Variants in CADM2 observed in about 807,000 individuals in gnomAD.
The protein encoded by CADM2 is immunoglobulin superfamily member 4D.
Under a neutral mutation model 49.8 loss-of-function variants are expected in CADM2, and 12 were observed. The ratio of observed to expected loss-of-function variants is 0.24; its 90% CI spans 0.15 to 0.39. The LOEUF (loss-of-function observed/expected upper bound fraction) is 0.39. Among genes scored for constraint, CADM2 ranks in the 10% least tolerant of loss-of-function variants. The pLI, the probability that CADM2 is intolerant of heterozygous loss-of-function variation, is 1.00. For synonymous variants in CADM2, 214 were observed against 175.4 expected, an observed-to-expected ratio of 1.22 and a Z score of -1.74; for missense variants, 378 against 492.3, an observed-to-expected ratio of 0.77 and a Z score of 2.20.
chr3:85,942,960 A>G (rs1337331678), intron 7 of CADM2, among the ~76,000 whole-genome samples: 2 of 151,992 alleles, frequency 1.3e-5, no homozygotes, highest in Non-Finnish European at 2.9e-5. Context: ...AACAGTGTAA[A>G]AGTGTTCCTA....
At chr3:85,298,882 G>T (rs2044030176) in intron 1 of CADM2, among the ~76,000 whole-genome samples, 1 of 151,972 alleles carries the variant, frequency 6.6e-6, no homozygotes, top group African/African-American at 2.4e-5. Flanking sequence ...CATCTTTAAG[G>T]TAAACTATTT....
chr3:85,240,608 G>T (rs1208243729), intron 1 of CADM2, among the ~76,000 whole-genome samples: 1 of 151,314 alleles, frequency 6.6e-6, no homozygotes, highest in Non-Finnish European at 1.5e-5. Context: ...AATATCAATG[G>T]GGCAAGGTAT....
Position 85,096,311 on chromosome 3 carries a change from G to A in CADM2, c.61+136643G>A, listed in dbSNP as rs555464323. 1.4e-3 allele frequency among the ~76,000 whole-genome samples: 210 copies of A among 151,668 alleles called. 1 individual carries two copies. Among genetic ancestry groups the A allele is most frequent in the African/African-American group, 4.6e-3 (190 of 41,400 alleles). On this transcript the variant is annotated intron_variant, in intron 1 of 9. Transcript: ENST00000383699. The stretch of plus-strand genomic sequence containing the variant: ...GAGCAGCATAACATTTCTGCCAAAT[G>A]TAGAGGTGAAGAATTCCCAGGCTGA...
intron 1 of CADM2, among the ~76,000 whole-genome samples, chr3:85,595,549 A>G (rs973916039): frequency 6.6e-6 from 1 of 152,066 alleles, no homozygotes; most frequent in Non-Finnish European, 1.5e-5. Context: ...GGTTAAGCTA[A>G]TATGTGTAGT....
intron 1 of CADM2, among the ~76,000 whole-genome samples, chr3:85,627,759 C>T (rs192345181): frequency 4.0e-4 from 61 of 151,890 alleles, no homozygotes; most frequent in African/African-American, 1.3e-3. Flanking sequence ...AAATATACAC[C>T]AAAGACAATG....
intron 1 of CADM2, among the ~76,000 whole-genome samples, chr3:85,710,242 C>G (rs2067076618): frequency 6.6e-6 from 1 of 152,146 alleles, no homozygotes; most frequent in Non-Finnish European, 1.5e-5. Context: ...TTCTCAGGGC[C>G]TTTGCACTGA....
intron 3 of CADM2, among the ~76,000 whole-genome samples, chr3:85,854,943 A>G (rs1328788002): frequency 1.3e-5 from 2 of 152,114 alleles, no homozygotes; most frequent in African/African-American, 2.4e-5. Flanking sequence ...TTTTGAATGC[A>G]TTATGTAGAA....
chr3:85,602,088 T>G (rs754455948), intron 1 of CADM2, among the ~76,000 whole-genome samples: 2 of 151,800 alleles, frequency 1.3e-5, no homozygotes, highest in African/African-American at 4.8e-5. Context: ...TTAAAGACAT[T>G]CAATTTTTTA....
chr3:85,552,132 G>A (rs575141920), intron 1 of CADM2, among the ~76,000 whole-genome samples: 1 of 152,024 alleles, frequency 6.6e-6, no homozygotes, highest in African/African-American at 2.4e-5. Flanking sequence ...AAACTTTAGA[G>A]ATACAAAAGA....
intron 1 of CADM2, among the ~76,000 whole-genome samples, chr3:85,604,527 T>C (rs2063498351): frequency 6.6e-6 from 1 of 152,108 alleles, no homozygotes; most frequent in Admixed American, 6.6e-5. Context: ...GATATAAATG[T>C]TGAATCTTAC....
chr3:85,781,196 C>T (rs970511226), intron 2 of CADM2, among the ~76,000 whole-genome samples: 3 of 152,192 alleles, frequency 2.0e-5, no homozygotes, highest in African/African-American at 4.8e-5. Flanking sequence ...TATTCTATCA[C>T]GTAGCTGGAA....
chr3:85,171,466 A>G (rs1035861991), intron 1 of CADM2, among the ~76,000 whole-genome samples: 1 of 152,216 alleles, frequency 6.6e-6, no homozygotes, highest in South Asian at 2.1e-4. Flanking sequence ...TATCCAGTAA[A>G]AATAGATTTT....
At chr3:85,961,390 TA>T in intron 7 of CADM2, 78 bp from the exon 8 acceptor site, 1 of 1,223,254 alleles carries the variant, frequency 8.2e-7, no homozygotes, top group Non-Finnish European at 1.1e-6. Context: ...TGTTAAATAT[TA>T]AAAAATTGAT....
At chr3:85,823,481 A>T (rs913042768) in intron 3 of CADM2, among the ~76,000 whole-genome samples, 14 of 152,086 alleles carry the variant, frequency 9.2e-5, no homozygotes, top group Non-Finnish European at 1.6e-4. Context: ...CACATTACTG[A>T]TTTCTAAGCA....
At chr3:85,687,035 C>T (rs1203365464) in intron 1 of CADM2, among the ~76,000 whole-genome samples, 1 of 152,116 alleles carries the variant, frequency 6.6e-6, no homozygotes, top group Non-Finnish European at 1.5e-5. Context: ...TCAATCTTGG[C>T]AAAATACACT....
At chr3:85,462,262 A>G (rs2038282370) in intron 1 of CADM2, among the ~76,000 whole-genome samples, 1 of 152,164 alleles carries the variant, frequency 6.6e-6, no homozygotes, top group Non-Finnish European at 1.5e-5. Flanking sequence ...CAGCCTATGA[A>G]TTAGCCTCAT....
At chr3:85,896,235 A>G (rs890480275) in intron 5 of CADM2, among the ~76,000 whole-genome samples, 1 of 152,172 alleles carries the variant, frequency 6.6e-6, no homozygotes, top group South Asian at 2.1e-4. Context: ...GCAGAGAGCC[A>G]TGATAGCACC....
chr3:86,065,105 C>T (rs997691302), intron 8 of CADM2, among the ~76,000 whole-genome samples: 67 of 152,298 alleles, frequency 4.4e-4, no homozygotes, highest in African/African-American at 1.6e-3. Context: ...GTGGTCAGTT[C>T]TCAGACCTCT....
intron 1 of CADM2, among the ~76,000 whole-genome samples, chr3:85,339,221 C>A (rs1230144460): frequency 6.6e-6 from 1 of 151,300 alleles, no homozygotes; most frequent in Non-Finnish European, 1.5e-5. Flanking sequence ...AGAAGTCAGG[C>A]ATTAATATTT....
Sources: gnomAD v4.1 joint callset for allele counts (sites outside exome capture counted in the v4.1 genomes callset) on GRCh38, gnomAD v4.1.1 for gene constraint, MANE v1.5 for transcripts, NCBI Gene and HGNC (gene_info 2026-07-23, HGNC 2026-07-21) for gene names.